Variants in MYSM1 observed in about 807,000 individuals in gnomAD.
The protein encoded by MYSM1 is Myb like, SWIRM and MPN domains 1.
A neutral mutation model predicts 116.0 loss-of-function variants in MYSM1; 51 were observed. The observed-to-expected ratio is 0.44, with a 90% CI of 0.35 to 0.56. MYSM1 has a LOEUF of 0.56. Ranked by LOEUF, MYSM1 falls within the 20% of genes least tolerant of loss-of-function variation. The pLI is 0.00. For synonymous variants in MYSM1, 313 were observed against 315.2 expected (o/e 0.99, Z 0.07); for missense variants, 900 against 974.9 (o/e 0.92, Z 1.02).
chr1:58,669,547 C>T (rs1644524712), intron 12 of MYSM1, among the ~76,000 whole-genome samples: 1 of 152,008 alleles, frequency 6.6e-6, no homozygotes. Context: ...GAAAAAGTGG[C>T]CAGGTGCAGT....
chr1:58,660,829 C>T (rs910644748), intron 19 of MYSM1, among the ~76,000 whole-genome samples: 1 of 152,018 alleles, frequency 6.6e-6, no homozygotes, highest in African/African-American at 2.4e-5. Flanking sequence ...TTTATACCAT[C>T]ATTCTTAAAA....
rs761261132 is a variant in MYSM1 at position 58,661,270 on chromosome 1, ATAAAC to A, written c.2271-48_2271-44del. On this transcript the variant is annotated intron_variant, in intron 18 of 19. Transcript: ENST00000472487. ...AAAACAAACTGGTGAAACGAATACT[ATAAAC>A]TAATCAGTTTCATAATAAACTATCA... The A allele has an allele frequency of 3.1e-5, 46 of 1,484,632 alleles. No homozygotes were observed. In the South Asian group the frequency reaches 5.1e-4, roughly 17 times the overall value. 92.0% of individuals were successfully genotyped at this position (1,484,632 alleles called of 1,614,324 possible).
chr1:58,668,200 C>T (rs574123060), intron 14 of MYSM1, among the ~76,000 whole-genome samples: 3 of 152,278 alleles, frequency 2.0e-5, no homozygotes, highest in African/African-American at 7.2e-5. Flanking sequence ...ACTCTCCCTA[C>T]TCAAGGGAGG....
At position 58,700,000 on chromosome 1, in the gene MYSM1, G is replaced by A. The variant is rs1320493825; in HGVS notation, c.53C>T (p.Ala18Val). The A allele has an allele frequency of 1.9e-6, 3 of 1,613,336 alleles. No individual in the cohort carries two copies. Among genetic ancestry groups the A allele is most frequent in the Admixed American group, 1.7e-5 (1 of 60,030 alleles). ...VDIEGDVVAAAGAQPGSGENT... is the reference protein window; with the variant it reads ...VDIEGDVVAAVGAQPGSGENT... Reference sequence around the variant, plus strand: ...TAAGCCTCACCCTGGCTGTGCCCCCGCCGCCGCTACCACGTCCCCTTCGAT... The same window carrying A: ...TAAGCCTCACCCTGGCTGTGCCCCCACCGCCGCTACCACGTCCCCTTCGAT... Residue 18 changes from alanine to valine, a missense_variant, in exon 1 of 20, where the codon GCG becomes GTG. By Grantham distance (64) the Ala-to-Val change is moderately conservative (BLOSUM62 0). Transcript: ENST00000472487.
chr1:58,666,707 T>C (rs993121052), intron 16 of MYSM1, among the ~76,000 whole-genome samples: 1 of 151,374 alleles, frequency 6.6e-6, no homozygotes, highest in African/African-American at 2.4e-5. Context: ...ACCCTGTTTC[T>C]ACTCAAACTA....
intron 1 of MYSM1, among the ~76,000 whole-genome samples, chr1:58,698,967 A>G (rs1645024171): frequency 6.6e-6 from 1 of 152,208 alleles, no homozygotes; most frequent in South Asian, 2.1e-4. Context: ...GCTGAACTAC[A>G]TGAAGTTGCC....
At chr1:58,681,066 A>G (rs1644735010) in intron 8 of MYSM1, among the ~76,000 whole-genome samples, 1 of 152,050 alleles carries the variant, frequency 6.6e-6, no homozygotes, top group Admixed American at 6.6e-5. Context: ...CTGACCTCAA[A>G]TGATCTGCCT....
At chr1:58,681,575 C>T (rs962228495) in intron 8 of MYSM1, among the ~76,000 whole-genome samples, 2 of 152,164 alleles carry the variant, frequency 1.3e-5, no homozygotes, top group Non-Finnish European at 2.9e-5. Context: ...TCCAGGCCCA[C>T]AATCTAATGA....
At chr1:58,677,716 C>T (rs675496) in intron 8 of MYSM1, among the ~76,000 whole-genome samples, 8,791 of 152,060 alleles carry the variant, frequency 0.058, 798 homozygotes, top group African/African-American at 0.2. Flanking sequence ...ACATAAAATT[C>T]GAGTAATAAA....
At position 58,673,591 on chromosome 1, in the gene MYSM1, T is replaced by G. The variant is rs1295086851; in HGVS notation, c.1554A>C (p.Leu518Phe). Residue 518 changes from leucine to phenylalanine, a missense_variant, in exon 11 of 20, where the codon TTA (leucine) becomes TTC (phenylalanine). Leu to Phe is a conservative substitution (Grantham distance 22, BLOSUM62 0). Around this residue, in one of 3 missense-constraint regions of MYSM1, gnomAD observed 622 missense variants for 623.7 expected, o/e 1.00. Transcript: ENST00000472487. The part of the protein sequence containing the change: ...PWGNWCDAKD[L>F]EGQTFEHLSA... ...AAGTTACCTCAAACGTTTGTCCTTC[T>G]AAGTCCTTTGCATCACACCAGTTTC... 1 of 1,614,110 alleles carries G rather than the reference T, an allele frequency of 6.2e-7. No individual in the cohort carries two copies. The highest frequency in any genetic ancestry group is 8.5e-7 in the Non-Finnish European group (1 of 1,179,966).
chr1:58,695,081 G>C, intron 2 of MYSM1, 48 bp downstream of exon 2: 1 of 1,101,450 alleles, frequency 9.1e-7, no homozygotes, highest in Non-Finnish European at 1.4e-6. Flanking sequence ...AGCACTCTAG[G>C]CAATAAATAA....
chr1:58,675,667 TG>T lies in MYSM1; in HGVS notation c.1391-88del, dbSNP rs1346615190. 3.1e-5 allele frequency: 29 copies of T among 948,032 alleles called. No homozygotes were observed. In the Admixed American group the frequency reaches 3.3e-4, roughly 11 times the overall value. The allele number at this position is 948,032 out of a possible 1,614,324, so 58.7% of individuals were successfully genotyped here. On this transcript the variant is annotated intron_variant, in intron 9 of 19. Transcript: ENST00000472487. Reference sequence around the variant, plus strand: ...TAAGACACATGTACACTGACTATAGTGGGGCTTCTATGACTCTTATTTCACG... The same window carrying T: ...TAAGACACATGTACACTGACTATAGTGGGCTTCTATGACTCTTATTTCACG...
At chr1:58,687,998 T>C (rs1447872327) in intron 6 of MYSM1, among the ~76,000 whole-genome samples, 1 of 152,150 alleles carries the variant, frequency 6.6e-6, no homozygotes, top group Non-Finnish European at 1.5e-5. Context: ...ATTATGTATC[T>C]GGTCTTTGAT....
chr1:58,665,901 A>T (rs1030372493), intron 16 of MYSM1, among the ~76,000 whole-genome samples: 1 of 152,060 alleles, frequency 6.6e-6, no homozygotes, highest in African/African-American at 2.4e-5. Context: ...TACCAAAAAT[A>T]AAAAAATTAG....
rs933429406 is a variant in MYSM1, at chr1:58,660,229, C to T, written c.2329-74G>A. 3.3e-6 allele frequency: 3 copies of T among 905,660 alleles called. No homozygotes were observed. In the African/African-American group the frequency reaches 5.2e-5, roughly 16 times the overall value. 56.1% of individuals were successfully genotyped at this position (905,660 alleles called of 1,614,324 possible). A position where few individuals can be genotyped will look rare whatever the true frequency, so the allele number is the denominator to read the frequency against. On this transcript the variant is annotated intron_variant, in intron 19 of 19. Coordinates refer to ENST00000472487, the MANE Select transcript of MYSM1 (RefSeq NM_001085487.3). Reference sequence around the variant, plus strand: ...GTTTGCATTACTATCACTATTTCGTCCCTTTCCAGACCTCACATTTCCTAA... The same window carrying T: ...GTTTGCATTACTATCACTATTTCGTTCCTTTCCAGACCTCACATTTCCTAA...
At position 58,660,039 on chromosome 1, in the gene MYSM1, A is replaced by C. The variant is rs772963146; in HGVS notation, c.2445T>G (p.Asn815Lys). 3.1e-6 allele frequency: 5 copies of C among 1,608,350 alleles called. No homozygotes were observed. In the Admixed American group the frequency reaches 8.4e-5, roughly 27 times the overall value. ...FLSNYKSNQE[N>K]GVTEENCTKE... ...TTGTACAGTTCTCTTCGGTTACTCC[A>C]TTCTCTTGGTTGCTTTTATAATTGG... Residue 815 changes from asparagine (N) to lysine (K), a missense_variant, in exon 20 of 20, where the codon AAT becomes AAG. Around this residue, in one of 3 missense-constraint regions of MYSM1, gnomAD observed 186 missense variants for 196.2 expected, o/e 0.95. Coordinates refer to ENST00000472487, the MANE Select transcript of MYSM1 (RefSeq NM_001085487.3).
intron 9 of MYSM1, among the ~76,000 whole-genome samples, chr1:58,676,129 A>G (rs1416955523): frequency 6.6e-6 from 1 of 152,198 alleles, no homozygotes; most frequent in Non-Finnish European, 1.5e-5. Context: ...ATTCAATAAA[A>G]GAGTAGAGGT....
intron 9 of MYSM1, among the ~76,000 whole-genome samples, chr1:58,676,177 A>T (rs774731875): frequency 6.6e-4 from 100 of 152,206 alleles, no homozygotes; most frequent in Middle Eastern, 6.8e-3. Flanking sequence ...CCAGCACTTT[A>T]GGAGGCTGAG....
intron 14 of MYSM1, chr1:58,668,295 G>A (rs773229368): frequency 6.1e-4 from 255 of 419,706 alleles, no homozygotes; most frequent in Non-Finnish European, 8.5e-4. Flanking sequence ...GGAGGTATCG[G>A]TAGTTTAGTA....
Sources: gnomAD v4.1 joint callset for allele counts (sites outside exome capture counted in the v4.1 genomes callset) on GRCh38, gnomAD v4.1.1 for gene constraint, gnomAD v4.1.1 regional missense constraint, MANE v1.5 for transcripts, NCBI Gene and HGNC (gene_info 2026-07-23, HGNC 2026-07-21) for gene names.